LMCD1: variants seen among roughly 807,000 people sequenced by gnomAD.
The protein encoded by LMCD1 is LIM and cysteine rich domains 1.
Under a neutral mutation model 42.7 loss-of-function variants are expected in LMCD1, and 32 were observed. The observed-to-expected ratio is 0.75, with a 90% CI of 0.57 to 1.01. The LOEUF is 1.01. LMCD1 is among the 50% of genes least tolerant of loss of function. LMCD1 has a pLI of 0.00. For missense variants in LMCD1, 458 were observed against 483.1 expected (o/e 0.95, Z 0.49); for synonymous variants, 178 against 184.9 (o/e 0.96, Z 0.30).
At chr3:8,507,904 AT>A (rs1481395039) in intron 1 of LMCD1, among the ~76,000 whole-genome samples, 5 of 152,068 alleles carry the variant, frequency 3.3e-5, no homozygotes, top group Admixed American at 3.3e-4. Flanking sequence ...ACACAGATCA[AT>A]TTCTTCCAGC....
chr3:8,537,466 G>C, intron 3 of LMCD1, 26 bp downstream of exon 3: 1 of 1,531,898 alleles, frequency 6.5e-7, no homozygotes, highest in Non-Finnish European at 8.8e-7. Flanking sequence ...CAACCAAGCA[G>C]TTGTTTTCCT....
intron 4 of LMCD1, among the ~76,000 whole-genome samples, chr3:8,556,795 A>G (rs1370231439): frequency 1.3e-5 from 2 of 152,232 alleles, no homozygotes; most frequent in African/African-American, 2.4e-5. Context: ...TTACACGTGT[A>G]GCATTTATGA....
intron 1 of LMCD1, among the ~76,000 whole-genome samples, chr3:8,516,642 C>A (rs1211871121): frequency 6.6e-6 from 1 of 152,114 alleles, no homozygotes; most frequent in African/African-American, 2.4e-5. Context: ...TAATTTTAGC[C>A]AAGCCCTTGA....
intron 5 of LMCD1, 115 bp downstream of exon 5, chr3:8,565,762 CTG>C: frequency 9.9e-7 from 1 of 1,007,966 alleles, no homozygotes; most frequent in Non-Finnish European, 1.5e-6. Context: ...GATTGGGAAA[CTG>C]AAGTCAGGCC....
At chr3:8,549,941 G>A (rs1292752244) in intron 4 of LMCD1, 1 of 939,194 alleles carries the variant, frequency 1.1e-6, no homozygotes, top group African/African-American at 1.6e-5. Flanking sequence ...CCATTCCTGA[G>A]GACCTGAGCC....
chr3:8,537,364 C>G lies in LMCD1; in HGVS notation c.311C>G (p.Pro104Arg). ...YKRNRMIMTN[P>R]IATGKDPTFD... ...AGGAACCGGATGATCATGACCAACC[C>G]TATTGCTACTGGGAAAGATCCCACT... Residue 104 changes from proline to arginine, a missense_variant, in exon 3 of 6, where the codon CCT becomes CGT. By Grantham distance (103) the Pro-to-Arg change is moderately radical (BLOSUM62 -2). Coordinates refer to ENST00000157600, the MANE Select transcript of LMCD1 (RefSeq NM_014583.4). The G allele has an allele frequency of 3.7e-6, 6 of 1,613,322 alleles. No individual in the cohort carries two copies. Among genetic ancestry groups the G allele is most frequent in the Non-Finnish European group, 4.2e-6 (5 of 1,179,300 alleles).
At chr3:8,502,328 T>TAA (rs1559342162) in intron 1 of LMCD1, among the ~76,000 whole-genome samples, 4 of 6,488 alleles carry the variant, frequency 6.2e-4, no homozygotes, top group African/African-American at 1.6e-3. Flanking sequence ...ATATTATATA[T>TAA]AATATATATT....
intron 4 of LMCD1, among the ~76,000 whole-genome samples, chr3:8,553,185 C>T (rs945175997): frequency 2.0e-5 from 3 of 152,064 alleles, no homozygotes; most frequent in African/African-American, 7.2e-5. Context: ...AGGCCAGGGC[C>T]CCACTTTCCC....
intron 4 of LMCD1, among the ~76,000 whole-genome samples, chr3:8,552,557 G>A (rs1694858706): frequency 6.6e-6 from 1 of 152,200 alleles, no homozygotes; most frequent in African/African-American, 2.4e-5. Context: ...TTGCTAACAA[G>A]TCCTCGGGTG....
At chr3:8,539,437 G>A (rs1199193982) in intron 3 of LMCD1, among the ~76,000 whole-genome samples, 7 of 152,188 alleles carry the variant, frequency 4.6e-5, no homozygotes, top group African/African-American at 1.7e-4. Flanking sequence ...CCGGGCCACA[G>A]AGTGTGGCCA....
At position 8,571,593 on chromosome 3, in the gene LMCD1, C is replaced by G. The variant is rs1667464; in HGVS notation, c.*3995C>G. The G allele has an allele frequency of 0.75, 113,545 of 152,182 alleles. 42,775 individuals are homozygous for G. Among genetic ancestry groups the G allele is most frequent in the Admixed American group, 0.8 (12,255 of 15,296 alleles). The allele number at this position is 152,182 out of a possible 1,614,324, so 9.4% of individuals were successfully genotyped here. ...GAGACAAAGGGAGGATGGAGAGAAA[C>G]GACTGGACTGAGAGAAGAGCCCACT... On this transcript the variant is annotated 3_prime_UTR_variant, in exon 6 of 6. Transcript: ENST00000157600.
At chr3:8,561,230 C>T (rs1381247344) in intron 4 of LMCD1, among the ~76,000 whole-genome samples, 1 of 152,138 alleles carries the variant, frequency 6.6e-6, no homozygotes, top group Non-Finnish European at 1.5e-5. Flanking sequence ...CAAACACTTT[C>T]TTTGGAGGGC....
intron 1 of LMCD1, among the ~76,000 whole-genome samples, chr3:8,520,882 G>A (rs1317597980): frequency 6.6e-6 from 1 of 152,170 alleles, no homozygotes; most frequent in Non-Finnish European, 1.5e-5. Context: ...TCCTCTCACT[G>A]ACTGAATTAA....
At chr3:8,523,349 T>C (rs1328270750) in intron 1 of LMCD1, among the ~76,000 whole-genome samples, 1 of 152,190 alleles carries the variant, frequency 6.6e-6, no homozygotes, top group African/African-American at 2.4e-5. Flanking sequence ...ATACACACTC[T>C]CACACATACA....
chr3:8,511,967 GA>G (rs1694009567), intron 1 of LMCD1, among the ~76,000 whole-genome samples: 1 of 151,974 alleles, frequency 6.6e-6, no homozygotes, highest in Admixed American at 6.5e-5. Context: ...TTGACAGCAG[GA>G]AAAAAAGGTA....
intron 1 of LMCD1, among the ~76,000 whole-genome samples, chr3:8,524,243 C>T (rs982623424): frequency 6.6e-6 from 1 of 151,602 alleles, no homozygotes; most frequent in African/African-American, 2.4e-5. Context: ...AGCTTGCAAC[C>T]ATTTGGGTGT....
chr3:8,569,383 C>T lies in LMCD1; in HGVS notation c.*1785C>T, dbSNP rs1695178761. 1 of 152,150 alleles carries T rather than the reference C, an allele frequency of 6.6e-6. No individual in the cohort carries two copies. The highest frequency in any genetic ancestry group is 1.5e-5 in the Non-Finnish European group (1 of 68,040). 9.4% of individuals were successfully genotyped at this position (152,150 alleles called of 1,614,324 possible). On this transcript the variant is annotated 3_prime_UTR_variant, in exon 6 of 6. Coordinates refer to ENST00000157600, the MANE Select transcript of LMCD1 (RefSeq NM_014583.4). ...CTGCTTCTCTGGCACTTTCCTGAAGCACCAGTGAAATATTCACCAATTCAT... is the reference window on the plus strand; with the variant it reads ...CTGCTTCTCTGGCACTTTCCTGAAGTACCAGTGAAATATTCACCAATTCAT...
At chr3:8,531,433 T>C (rs1694410288) in intron 1 of LMCD1, among the ~76,000 whole-genome samples, 1 of 152,166 alleles carries the variant, frequency 6.6e-6, no homozygotes, top group African/African-American at 2.4e-5. Context: ...CTAAAATCTG[T>C]GGCAAAATAA....
chr3:8,567,602 G>A lies in LMCD1; in HGVS notation c.*4G>A. 6.2e-7 allele frequency: 1 copy of A among 1,610,778 alleles called. No homozygotes were observed. The highest frequency in any genetic ancestry group is 8.5e-7 in the Non-Finnish European group (1 of 1,178,168). ...CAGCAAGTCCAAACGCTCCTGAAGG[G>A]CTGCCCACCCACAGCCAGAATCCAC... On this transcript the variant is annotated 3_prime_UTR_variant, in exon 6 of 6. Coordinates refer to ENST00000157600, the MANE Select transcript of LMCD1 (RefSeq NM_014583.4).
Sources: allele counts gnomAD v4.1 joint callset (sites outside exome capture counted in the v4.1 genomes callset), GRCh38; gene constraint gnomAD v4.1.1; transcripts MANE v1.5; gene names NCBI Gene and HGNC (gene_info 2026-07-23, HGNC 2026-07-21).